TTC29: variants seen among roughly 807,000 people sequenced by gnomAD.
TTC29 encodes the protein tetratricopeptide repeat domain 29, also known as tetratricopeptide repeat protein 29.
A neutral mutation model predicts 58.1 loss-of-function variants in TTC29; 49 were observed. The ratio of observed to expected loss-of-function variants is 0.84; its 90% confidence interval spans 0.67 to 1.07. TTC29 has a LOEUF of 1.07. Ranked by LOEUF, TTC29 falls within the 50% of genes least tolerant of loss-of-function variation. The pLI is 0.00. For missense variants in TTC29, 582 were observed against 555.6 expected, an observed-to-expected ratio of 1.05 and a Z score of -0.48; for synonymous variants, 209 against 196.8, an observed-to-expected ratio of 1.06 and a Z score of -0.52.
At chr4:146,864,400 A>G (rs965233440) in intron 8 of TTC29, among the ~76,000 whole-genome samples, 3 of 152,210 alleles carry the variant, frequency 2.0e-5, no homozygotes, top group African/African-American at 7.2e-5. Context: ...GACTTAGATT[A>G]GAAAAAATAA....
chr4:146,854,952 T>C (rs1432421129), intron 8 of TTC29, among the ~76,000 whole-genome samples: 1 of 152,144 alleles, frequency 6.6e-6, no homozygotes, highest in African/African-American at 2.4e-5. Context: ...GGTTTCCTTA[T>C]CTTCTTTCTC....
chr4:146,828,949 T>C (rs1200242908), intron 9 of TTC29, among the ~76,000 whole-genome samples: 4 of 152,218 alleles, frequency 2.6e-5, no homozygotes, highest in Admixed American at 2.6e-4. Flanking sequence ...CCATTCTTTT[T>C]ATGGAAGGGG....
At chr4:146,789,776 T>G (rs925543344) in intron 11 of TTC29, among the ~76,000 whole-genome samples, 1 of 150,868 alleles carries the variant, frequency 6.6e-6, no homozygotes, top group Non-Finnish European at 1.5e-5. Flanking sequence ...AATATATTTT[T>G]TACTGTAGAT....
chr4:146,760,194 C>T (rs557526236), intron 11 of TTC29, among the ~76,000 whole-genome samples: 48 of 151,760 alleles, frequency 3.2e-4, no homozygotes, highest in Admixed American at 1.3e-3. Context: ...ACAACAGCTG[C>T]AAAAAATTTA....
At chr4:146,808,808 G>A (rs1044514848) in intron 10 of TTC29, among the ~76,000 whole-genome samples, 2 of 152,250 alleles carry the variant, frequency 1.3e-5, no homozygotes, top group African/African-American at 2.4e-5. Context: ...TAGCCATACT[G>A]CCCAAAGTAA....
intron 11 of TTC29, among the ~76,000 whole-genome samples, chr4:146,721,111 A>AATT (rs1301613419): frequency 6.6e-6 from 1 of 152,166 alleles, no homozygotes; most frequent in Non-Finnish European, 1.5e-5. Context: ...TTCTTAAAAC[A>AATT]ATTAATTTAG....
chr4:146,903,553 C>T lies in TTC29; in HGVS notation c.577G>A (p.Glu193Lys), dbSNP rs774734375. 4.5e-5 allele frequency: 73 copies of T among 1,607,998 alleles called. No individual in the cohort carries two copies. The highest frequency in any genetic ancestry group is 6.1e-5 in the Non-Finnish European group (72 of 1,177,194). Residue 193 changes from glutamate to lysine, a missense_variant, in exon 6 of 13, where the codon GAG (glutamate) becomes AAG (lysine). Coordinates refer to ENST00000325106, the MANE Select transcript of TTC29 (RefSeq NM_031956.4). The stretch of plus-strand genomic sequence containing the variant: ...GCAAATGCCCACTCACCATCTTCCT[C>T]GTAGAGAAGACCCATATGCATGTGT... The part of the protein sequence containing the change: ...EAHMHMGLLY[E>K]EDGQLLEAAE...
At chr4:146,714,479 T>C (rs918794025) in intron 11 of TTC29, among the ~76,000 whole-genome samples, 1 of 151,798 alleles carries the variant, frequency 6.6e-6, no homozygotes, top group Non-Finnish European at 1.5e-5. Context: ...TGAGAAAGAA[T>C]TGAAACATAG....
At chr4:146,878,533 A>G (rs1319103945) in intron 6 of TTC29, among the ~76,000 whole-genome samples, 1 of 152,166 alleles carries the variant, frequency 6.6e-6, no homozygotes, top group Non-Finnish European at 1.5e-5. Flanking sequence ...TATGCTCCAG[A>G]GTTTTCATAA....
intron 5 of TTC29, among the ~76,000 whole-genome samples, chr4:146,904,336 T>C (rs1401060274): frequency 1.3e-5 from 2 of 152,200 alleles, no homozygotes; most frequent in Admixed American, 1.3e-4. Context: ...AGTAGACTTC[T>C]ACGCTTCTGT....
chr4:146,782,024 A>C (rs772898600), intron 11 of TTC29, among the ~76,000 whole-genome samples: 7 of 151,966 alleles, frequency 4.6e-5, no homozygotes, highest in Non-Finnish European at 8.8e-5. Context: ...AATAAATGAA[A>C]AAAAAAGAAT....
intron 11 of TTC29, among the ~76,000 whole-genome samples, chr4:146,794,809 T>TTAAG (rs1170611715): frequency 1.3e-5 from 2 of 152,074 alleles, no homozygotes; most frequent in Non-Finnish European, 2.9e-5. Context: ...AAATTTAATT[T>TTAAG]TAAGTTCCAG....
At chr4:146,802,378 G>C (rs1750292448) in intron 11 of TTC29, among the ~76,000 whole-genome samples, 1 of 152,102 alleles carries the variant, frequency 6.6e-6, no homozygotes, top group Admixed American at 6.5e-5. Flanking sequence ...AAATATTTTG[G>C]GGGTGTTTGA....
intron 10 of TTC29, among the ~76,000 whole-genome samples, chr4:146,813,901 G>A (rs931122891): frequency 2.6e-5 from 4 of 151,976 alleles, no homozygotes; most frequent in African/African-American, 7.3e-5. Context: ...GGAGAATCAC[G>A]TGAACCCGGG....
chr4:146,898,299 C>T (rs903549933), intron 6 of TTC29, among the ~76,000 whole-genome samples: 1 of 152,158 alleles, frequency 6.6e-6, no homozygotes, highest in East Asian at 1.9e-4. Flanking sequence ...CTGGGTGTTT[C>T]AAGGGAGTGC....
chr4:146,884,599 G>A (rs529390643), intron 6 of TTC29, among the ~76,000 whole-genome samples: 2 of 152,194 alleles, frequency 1.3e-5, no homozygotes, highest in South Asian at 4.1e-4. Flanking sequence ...CTTTTAAGAT[G>A]CAAATTTGGA....
chr4:146,885,414 A>G (rs373089400), intron 6 of TTC29, among the ~76,000 whole-genome samples: 11 of 152,184 alleles, frequency 7.2e-5, no homozygotes, highest in African/African-American at 2.6e-4. Context: ...CTATTCTGTT[A>G]TATATCCATG....
At chr4:146,840,374 AC>A (rs1728780321) in intron 8 of TTC29, among the ~76,000 whole-genome samples, 1 of 152,000 alleles carries the variant, frequency 6.6e-6, no homozygotes, top group African/African-American at 2.4e-5. Context: ...AACCTTCAGA[AC>A]CAATGTATTA....
intron 11 of TTC29, among the ~76,000 whole-genome samples, chr4:146,767,729 A>T (rs1485462703): frequency 6.6e-6 from 1 of 152,072 alleles, no homozygotes; most frequent in African/African-American, 2.4e-5. Context: ...GGTCAGCTAC[A>T]TCTATGTGCA....
Sources: allele counts gnomAD v4.1 joint callset (sites outside exome capture counted in the v4.1 genomes callset), GRCh38; gene constraint gnomAD v4.1.1; transcripts MANE v1.5; gene names NCBI Gene and HGNC (gene_info 2026-07-23, HGNC 2026-07-21).